Variants in ROBO2 observed in about 807,000 individuals in gnomAD.
ROBO2 encodes the protein roundabout homolog 2.
A neutral mutation model predicts 160.8 loss-of-function variants in ROBO2; 53 were observed. The ratio of observed to expected loss-of-function variants is 0.33; its 90% CI spans 0.26 to 0.41. ROBO2 has a LOEUF of 0.41. Ranked by LOEUF, ROBO2 falls within the 10% of genes least tolerant of loss-of-function variation. ROBO2 has a pLI of 1.00. For synonymous variants in ROBO2, 664 were observed against 611.7 expected (o/e 1.09, Z -1.26); for missense variants, 1,577 against 1,722.4 (o/e 0.92, Z 1.49).
chr3:77,140,287 G>T (rs1471379555), intron 2 of ROBO2, among the ~76,000 whole-genome samples: 1 of 152,040 alleles, frequency 6.6e-6, no homozygotes, highest in African/African-American at 2.4e-5. Context: ...GACAAATAAT[G>T]ATCTTTTAAA....
intron 2 of ROBO2, among the ~76,000 whole-genome samples, chr3:77,211,107 A>G (rs1166204587): frequency 6.6e-6 from 1 of 152,160 alleles, no homozygotes; most frequent in East Asian, 1.9e-4. Flanking sequence ...TATACCCAGT[A>G]ATGGGATGGC....
chr3:77,085,805 A>AT (rs2069224706), intron 1 of ROBO2, among the ~76,000 whole-genome samples: 1 of 152,096 alleles, frequency 6.6e-6, no homozygotes, highest in Admixed American at 6.5e-5. Context: ...TCATTTAGAA[A>AT]TTTCTAGGAA....
At chr3:76,314,111 A>G (rs577302558) in intron 2 of ROBO2, among the ~76,000 whole-genome samples, 1 of 152,202 alleles carries the variant, frequency 6.6e-6, no homozygotes, top group Non-Finnish European at 1.5e-5. Flanking sequence ...TAGGCCAGCA[A>G]GTTTTCCCTC....
At chr3:76,004,749 A>G (rs949346683) in intron 2 of ROBO2, among the ~76,000 whole-genome samples, 3 of 152,358 alleles carry the variant, frequency 2.0e-5, no homozygotes, top group Middle Eastern at 3.4e-3. Flanking sequence ...TTTCAGGAGA[A>G]TATAAAAATT....
intron 2 of ROBO2, among the ~76,000 whole-genome samples, chr3:76,897,620 T>C (rs1354728729): frequency 6.6e-6 from 1 of 152,086 alleles, no homozygotes; most frequent in East Asian, 1.9e-4. Flanking sequence ...AAAGATCAAA[T>C]TGGCCTCATC....
chr3:76,508,039 A>G (rs1380774834), intron 2 of ROBO2, among the ~76,000 whole-genome samples: 1 of 152,182 alleles, frequency 6.6e-6, no homozygotes, highest in Non-Finnish European at 1.5e-5. Flanking sequence ...AAATCATATG[A>G]AATAAAATAC....
intron 2 of ROBO2, among the ~76,000 whole-genome samples, chr3:76,297,956 C>T (rs1450531743): frequency 6.6e-6 from 1 of 152,084 alleles, no homozygotes; most frequent in Non-Finnish European, 1.5e-5. Flanking sequence ...TTTATTCACA[C>T]AGAGACAACA....
chr3:76,865,641 A>T (rs544436818), intron 2 of ROBO2, among the ~76,000 whole-genome samples: 40 of 152,250 alleles, frequency 2.6e-4, no homozygotes, highest in Non-Finnish European at 4.9e-4. Flanking sequence ...CATTTATTCC[A>T]GATTACCAAA....
chr3:76,065,752 T>TACACAC (rs4054051), intron 2 of ROBO2, among the ~76,000 whole-genome samples: 19 of 143,754 alleles, frequency 1.3e-4, no homozygotes, highest in African/African-American at 5.0e-4. Flanking sequence ...TATATATATA[T>TACACAC]ACACACACAC....
At chr3:76,727,955 T>C (rs569710079) in intron 2 of ROBO2, among the ~76,000 whole-genome samples, 1 of 152,034 alleles carries the variant, frequency 6.6e-6, no homozygotes, top group Non-Finnish European at 1.5e-5. Flanking sequence ...ATGGATAACC[T>C]AAGTACCCTG....
chr3:75,959,545 G>A (rs188490183), intron 2 of ROBO2, among the ~76,000 whole-genome samples: 5 of 151,752 alleles, frequency 3.3e-5, no homozygotes, highest in Non-Finnish European at 7.4e-5. Flanking sequence ...TATAATTTTT[G>A]TTTGTAGACC....
intron 2 of ROBO2, among the ~76,000 whole-genome samples, chr3:76,147,259 T>C (rs1393105364): frequency 6.6e-6 from 1 of 151,812 alleles, no homozygotes; most frequent in East Asian, 1.9e-4. Flanking sequence ...AAATTTAAGT[T>C]TTAGGATACA....
chr3:76,317,050 G>C (rs927577061), intron 2 of ROBO2, among the ~76,000 whole-genome samples: 1 of 152,186 alleles, frequency 6.6e-6, no homozygotes. Context: ...ACTTTACATA[G>C]ATAAGAAGAC....
At chr3:77,328,972 A>G (rs893123825) in intron 2 of ROBO2, among the ~76,000 whole-genome samples, 25 of 152,296 alleles carry the variant, frequency 1.6e-4, no homozygotes, top group African/African-American at 5.8e-4. Flanking sequence ...CTGGAACACA[A>G]CTTTTAATTT....
At chr3:75,946,353 T>C (rs1948292265) in intron 2 of ROBO2, among the ~76,000 whole-genome samples, 1 of 152,022 alleles carries the variant, frequency 6.6e-6, no homozygotes, top group South Asian at 2.1e-4. Context: ...AATGGCTATT[T>C]ATAGAAAGCC....
At chr3:77,189,480 T>G (rs758406836) in intron 2 of ROBO2, among the ~76,000 whole-genome samples, 2 of 151,878 alleles carry the variant, frequency 1.3e-5, no homozygotes, top group African/African-American at 2.4e-5. Context: ...CATGCATCAC[T>G]TACAAACACT....
At chr3:76,889,966 A>C (rs2074211686) in intron 2 of ROBO2, among the ~76,000 whole-genome samples, 1 of 152,124 alleles carries the variant, frequency 6.6e-6, no homozygotes, top group Admixed American at 6.6e-5. Flanking sequence ...CTGAGAGAGA[A>C]GTGAGAGCGA....
chr3:76,529,084 GAC>G (rs1471959974), intron 2 of ROBO2, among the ~76,000 whole-genome samples: 1 of 152,100 alleles, frequency 6.6e-6, no homozygotes, highest in Non-Finnish European at 1.5e-5. Flanking sequence ...GAATGAGAAA[GAC>G]AAAACTGTTG....
chr3:76,664,231 A>G lies in ROBO2; in HGVS notation c.110-433783A>G, dbSNP rs1333244232. ...TAATTGTCTAATTAGAGAAAAGATG[A>G]AGGTCTGATGTTGGGTAGTGACCAG... On this transcript the variant is annotated intron_variant, in intron 2 of 26. Transcript: ENST00000487694. Among the ~76,000 whole-genome samples, 3 of 152,282 alleles carry G rather than the reference A, an allele frequency of 2.0e-5. No homozygotes were observed. In the East Asian group the frequency reaches 5.8e-4, roughly 29 times the overall value.
Sources: gnomAD v4.1 joint callset for allele counts (sites outside exome capture counted in the v4.1 genomes callset) on GRCh38, gnomAD v4.1.1 for gene constraint, MANE v1.5 for transcripts, NCBI Gene and HGNC (gene_info 2026-07-23, HGNC 2026-07-21) for gene names.